Variants in TJP1 observed in about 807,000 individuals in gnomAD.
TJP1 encodes tight junction protein ZO-1.
A neutral mutation model predicts 194.2 loss-of-function variants in TJP1; 43 were observed. That is an observed-to-expected ratio of 0.22 (90% confidence interval 0.17 to 0.29). The LOEUF is 0.29. Among genes scored for constraint, TJP1 ranks in the 10% least tolerant of loss-of-function variants. The probability of loss-of-function intolerance (pLI) is 1.00; values close to 1 mark genes in which losing one functional copy is unlikely to be tolerated. For missense variants in TJP1, 1,971 were observed against 2,185.7 expected (o/e 0.90, Z 1.96); for synonymous variants, 801 against 779.0 (o/e 1.03, Z -0.47).
chr15:29,794,106 G>T (rs2048261664), intron 2 of TJP1, among the ~76,000 whole-genome samples: 1 of 152,072 alleles, frequency 6.6e-6, no homozygotes, highest in African/African-American at 2.4e-5. Flanking sequence ...TTTCTTTGAT[G>T]ATTTTCTTTT....
rs2151120502 is a variant in TJP1 at position 29,718,993 on chromosome 15, G to A, written c.3149C>T (p.Ala1050Val). The part of the protein sequence containing the change: ...EPQLPYVEKQ[A>V]SRDLEQPTYR... ...TGTGGGCTGCTCGAGGTCTCTGCTG[G>A]CTTGTTTCTCTACGTATGGGAGTTG... The change falls in exon 21 of 28, where the codon GCC becomes GTC. Residue 1050 changes from alanine to valine, a missense_variant. Ala to Val is a moderately conservative substitution (Grantham distance 64, BLOSUM62 0). This residue lies in a region of TJP1 where 1,108 missense variants were observed against 1,128.5 expected (regional missense o/e 0.98). Transcript: ENST00000614355. The A allele has an allele frequency of 6.2e-7, 1 of 1,614,170 alleles. No individual in the cohort carries two copies. The highest frequency in any genetic ancestry group is 2.2e-5 in the East Asian group (1 of 44,868).
intron 23 of TJP1, among the ~76,000 whole-genome samples, chr15:29,715,608 G>C (rs2042515874): frequency 6.6e-6 from 1 of 152,172 alleles, no homozygotes; most frequent in Admixed American, 6.5e-5. Context: ...ACAATACTAT[G>C]TGTGATGAAT....
chr15:29,968,770 C>G (rs2056419650), exon 1 of TJP1: 6 of 1,222,900 alleles, frequency 4.9e-6, no homozygotes, highest in South Asian at 4.0e-5. Context: ...ATCTTGTCCC[C>G]GCTCCGCTCG....
At chr15:29,868,164 T>C (rs2052372922) in intron 2 of TJP1, among the ~76,000 whole-genome samples, 1 of 152,108 alleles carries the variant, frequency 6.6e-6, no homozygotes, top group African/African-American at 2.4e-5. Flanking sequence ...TTCAAAGTTA[T>C]AGTCATGTTT....
intron 24 of TJP1, among the ~76,000 whole-genome samples, chr15:29,710,154 A>C (rs766174453): frequency 2.1e-4 from 32 of 150,010 alleles, no homozygotes; most frequent in Non-Finnish European, 4.3e-4. Context: ...AAAAAGAGGA[A>C]AAAAAAAAAG....
chr15:29,758,244 G>A (rs1439264746), intron 8 of TJP1, among the ~76,000 whole-genome samples: 3 of 151,986 alleles, frequency 2.0e-5, no homozygotes, highest in South Asian at 2.1e-4. Context: ...GGAGGTTTTG[G>A]TCCCCCCTAA....
At chr15:29,772,261 C>A in intron 3 of TJP1, 95 bp from the exon 4 acceptor site, 1 of 678,950 alleles carries the variant, frequency 1.5e-6, no homozygotes, top group Non-Finnish European at 2.5e-6. Context: ...AAAATGTAAT[C>A]TAATTATGAG....
intron 8 of TJP1, among the ~76,000 whole-genome samples, chr15:29,748,619 C>T (rs1435012999): frequency 8.5e-6 from 1 of 117,174 alleles, no homozygotes; most frequent in African/African-American, 3.3e-5. Context: ...GTTGCCCTGG[C>T]TGGAGTGCAG....
intron 17 of TJP1, 145 bp downstream of exon 17, chr15:29,726,636 A>T (rs2043254507): frequency 1.8e-6 from 2 of 1,120,300 alleles, no homozygotes; most frequent in South Asian, 1.5e-5. Flanking sequence ...ATTTTCTTTT[A>T]ACCAAACAGC....
In TJP1 at chr15:29,732,417, C is replaced by G; in HGVS notation, c.2017+16G>C. ...TAACTCCCAACCTCATTTAAGTTAG[C>G]CTTGAGGCTACTTACTTGCAATTTG... On this transcript the variant is annotated intron_variant, in intron 15 of 27. Transcript: ENST00000614355. 6.2e-7 allele frequency: 1 copy of G among 1,609,816 alleles called. No homozygotes were observed. The highest frequency in any genetic ancestry group is 8.5e-7 in the Non-Finnish European group (1 of 1,177,730).
At chr15:29,831,622 T>C (rs1038855298) in intron 2 of TJP1, among the ~76,000 whole-genome samples, 5 of 152,224 alleles carry the variant, frequency 3.3e-5, no homozygotes, top group Non-Finnish European at 2.9e-5. Context: ...GTGGATTTTA[T>C]GTGGATTTCT....
intron 24 of TJP1, among the ~76,000 whole-genome samples, chr15:29,709,308 A>G (rs2042097965): frequency 6.6e-6 from 1 of 152,196 alleles, no homozygotes; most frequent in Non-Finnish European, 1.5e-5. Context: ...GTCTTTGTGA[A>G]AACTAGAATG....
intron 2 of TJP1, among the ~76,000 whole-genome samples, chr15:29,887,112 T>C (rs1248146043): frequency 6.6e-6 from 1 of 151,516 alleles, no homozygotes. Context: ...TCAAATAAAA[T>C]TGAGAAAAGA....
upstream of TJP1, chr15:29,968,936 C>CCCG (rs1349634599): frequency 5.1e-5 from 9 of 177,970 alleles, no homozygotes; most frequent in African/African-American, 2.2e-4. Flanking sequence ...GGCTCCCGCT[C>CCCG]CCGCCGCCGC....
At chr15:29,896,592 G>A (rs1198010318) in intron 2 of TJP1, among the ~76,000 whole-genome samples, 2 of 152,218 alleles carry the variant, frequency 1.3e-5, no homozygotes, top group Non-Finnish European at 2.9e-5. Context: ...ACAGTTTGGA[G>A]GGCTCAGAAG....
chr15:29,726,139 T>A (rs1030989699), intron 18 of TJP1, among the ~76,000 whole-genome samples: 3 of 152,170 alleles, frequency 2.0e-5, no homozygotes, highest in Non-Finnish European at 4.4e-5. Flanking sequence ...AATTTAAGAT[T>A]CTTTAGGAGA....
At chr15:29,740,642 C>A (rs545861364) in intron 10 of TJP1, among the ~76,000 whole-genome samples, 24 of 151,550 alleles carry the variant, frequency 1.6e-4, no homozygotes, top group Non-Finnish European at 7.4e-5. Flanking sequence ...AAAAAAAAAA[C>A]TAACCAAACA....
intron 10 of TJP1, among the ~76,000 whole-genome samples, chr15:29,739,856 T>C (rs753358430): frequency 3.9e-5 from 6 of 152,198 alleles, no homozygotes; most frequent in Non-Finnish European, 8.8e-5. Context: ...GCACAATTTA[T>C]AAAAGGTTGA....
chr15:29,751,395 TA>T (rs2045269346), intron 8 of TJP1, among the ~76,000 whole-genome samples: 1 of 152,244 alleles, frequency 6.6e-6, no homozygotes, highest in Non-Finnish European at 1.5e-5. Flanking sequence ...ATATTGTTTT[TA>T]GGCAATAATT....
Sources: gnomAD v4.1 joint callset for allele counts (sites outside exome capture counted in the v4.1 genomes callset) on GRCh38, gnomAD v4.1.1 for gene constraint, gnomAD v4.1.1 regional missense constraint, MANE v1.5 for transcripts, NCBI Gene and HGNC (gene_info 2026-07-23, HGNC 2026-07-21) for gene names.